TLK1: variants seen among roughly 807,000 people sequenced by gnomAD.
TLK1 encodes tousled like kinase 1.
A neutral mutation model predicts 105.3 loss-of-function variants in TLK1; 24 were observed. That is an observed-to-expected ratio of 0.23 (90% CI 0.17 to 0.32). TLK1 has a LOEUF of 0.32. TLK1 is among the 10% of genes least tolerant of loss of function. TLK1 has a pLI of 1.00. For synonymous variants in TLK1, 321 were observed against 310.4 expected, an observed-to-expected ratio of 1.03 and a Z score of -0.36; for missense variants, 558 against 910.5, an observed-to-expected ratio of 0.61 and a Z score of 4.98.
intron 1 of TLK1, among the ~76,000 whole-genome samples, chr2:171,141,032 G>C (rs938637595): frequency 3.9e-5 from 6 of 152,148 alleles, no homozygotes; most frequent in African/African-American, 1.2e-4. Context: ...TGAAATGGAA[G>C]ATTGGTCAGA....
At chr2:171,121,495 C>A (rs1391571575) in intron 1 of TLK1, among the ~76,000 whole-genome samples, 1 of 152,192 alleles carries the variant, frequency 6.6e-6, no homozygotes, top group Non-Finnish European at 1.5e-5. Flanking sequence ...TGCACCACTG[C>A]ACTCCACGCT....
chr2:171,033,727 G>A (rs1686166476), intron 11 of TLK1, among the ~76,000 whole-genome samples: 1 of 147,496 alleles, frequency 6.8e-6, no homozygotes, highest in Non-Finnish European at 1.5e-5. Flanking sequence ...ACTGAAAGTA[G>A]GCAAACACCA....
chr2:171,115,170 C>CTTTTTTTTTTTTTTTTTTTTTT (rs373796060), intron 2 of TLK1, among the ~76,000 whole-genome samples: 3 of 135,770 alleles, frequency 2.2e-5, no homozygotes, highest in African/African-American at 6.0e-5. Context: ...TTAAGAATTT[C>CTTTTTTTTTTTTTTTTTTTTTT]TTTCTTTTTT....
At chr2:171,195,164 T>G (rs1238776207) in intron 1 of TLK1, among the ~76,000 whole-genome samples, 1 of 152,168 alleles carries the variant, frequency 6.6e-6, no homozygotes, top group Non-Finnish European at 1.5e-5. Flanking sequence ...AAAACACCCT[T>G]TTCCTGACAA....
intron 8 of TLK1, among the ~76,000 whole-genome samples, chr2:171,052,761 G>C (rs555274752): frequency 1.3e-5 from 2 of 152,190 alleles, no homozygotes; most frequent in African/African-American, 2.4e-5. Flanking sequence ...ATGGGTGTGA[G>C]AAAGTAAATA....
intron 1 of TLK1, among the ~76,000 whole-genome samples, chr2:171,183,270 G>A (rs1481198490): frequency 1.3e-5 from 2 of 152,126 alleles, no homozygotes; most frequent in Non-Finnish European, 2.9e-5. Context: ...TCCCAATAAT[G>A]TTAAAGCTGT....
chr2:171,058,389 T>C (rs1687599469), intron 4 of TLK1, among the ~76,000 whole-genome samples, 192 bp from the exon 5 acceptor site: 1 of 152,146 alleles, frequency 6.6e-6, no homozygotes, highest in Non-Finnish European at 1.5e-5. Flanking sequence ...TGATGTCCTG[T>C]TTTAAAACTA....
chr2:171,049,391 T>C (rs959002983), intron 10 of TLK1, among the ~76,000 whole-genome samples: 1 of 152,078 alleles, frequency 6.6e-6, no homozygotes. Context: ...AAAAGAGAAG[T>C]TTTTTCCCTT....
chr2:171,040,365 T>G (rs1275415191), intron 11 of TLK1, among the ~76,000 whole-genome samples: 2 of 152,106 alleles, frequency 1.3e-5, no homozygotes, highest in African/African-American at 4.8e-5. Context: ...GCAGGTAACA[T>G]ATGTGCCACT....
chr2:171,112,343 T>C (rs1690212970), intron 2 of TLK1, among the ~76,000 whole-genome samples: 1 of 152,240 alleles, frequency 6.6e-6, no homozygotes, highest in Non-Finnish European at 1.5e-5. Context: ...ATTAAATTAT[T>C]GTATTAATAA....
At chr2:171,195,200 G>A (rs1292078448) in intron 1 of TLK1, among the ~76,000 whole-genome samples, 4 of 152,068 alleles carry the variant, frequency 2.6e-5, no homozygotes, top group Admixed American at 2.6e-4. Flanking sequence ...GAAGAATACA[G>A]TACTTGTATA....
At chr2:171,124,092 G>A (rs1420014507) in intron 1 of TLK1, among the ~76,000 whole-genome samples, 1 of 152,148 alleles carries the variant, frequency 6.6e-6, no homozygotes, top group African/African-American at 2.4e-5. Flanking sequence ...TTGAAATATG[G>A]AACTTTCTGT....
Position 170,992,629 on chromosome 2 carries a change from ACT to A in TLK1, c.*1149_*1150del, listed in dbSNP as rs917250069. ...TAGAACCCAATAAACTGATTTAAAA[ACT>A]CAATTATGTCCAACATGGATCACTT... On this transcript the variant is annotated 3_prime_UTR_variant, in exon 21 of 21. Transcript: ENST00000431350. 2.0e-5 allele frequency: 3 copies of A among 152,472 alleles called. No individual in the cohort carries two copies. Among genetic ancestry groups the A allele is most frequent in the African/African-American group, 7.2e-5 (3 of 41,398 alleles). The allele number at this position is 152,472 out of a possible 1,614,324, so 9.4% of individuals were successfully genotyped here.
intron 13 of TLK1, among the ~76,000 whole-genome samples, chr2:171,013,216 T>G (rs1685007816): frequency 6.6e-6 from 1 of 151,960 alleles, no homozygotes; most frequent in Non-Finnish European, 1.5e-5. Flanking sequence ...TTTCACCATG[T>G]TGGCCAGGTT....
chr2:171,021,027 C>T (rs956455169), intron 12 of TLK1, among the ~76,000 whole-genome samples: 5 of 152,076 alleles, frequency 3.3e-5, no homozygotes, highest in African/African-American at 7.2e-5. Flanking sequence ...CAATGTTTTG[C>T]TCTCTACACA....
chr2:171,115,170 C>CTTTTTTTTTTTTTTTTTTTTTTTTTTT (rs373796060), intron 2 of TLK1, among the ~76,000 whole-genome samples: 2 of 135,768 alleles, frequency 1.5e-5, no homozygotes, highest in Non-Finnish European at 1.5e-5. Flanking sequence ...TTAAGAATTT[C>CTTTTTTTTTTTTTTTTTTTTTTTTTTT]TTTCTTTTTT....
chr2:171,227,570 T>TTTTC (rs1204049736), intron 1 of TLK1, among the ~76,000 whole-genome samples: 4 of 50,964 alleles, frequency 7.8e-5, no homozygotes, highest in Non-Finnish European at 1.4e-4. Context: ...TAAATCTCCT[T>TTTTC]TTTTTTTTTT....
chr2:171,177,512 G>A (rs976974672), intron 1 of TLK1, among the ~76,000 whole-genome samples: 5 of 152,090 alleles, frequency 3.3e-5, no homozygotes, highest in Non-Finnish European at 7.3e-5. Flanking sequence ...GAGAGACCTC[G>A]GCATACAGAA....
At chr2:171,087,720 T>C (rs773119065) in intron 2 of TLK1, among the ~76,000 whole-genome samples, 1 of 152,218 alleles carries the variant, frequency 6.6e-6, no homozygotes, top group Admixed American at 6.5e-5. Flanking sequence ...TGAAAGCAGC[T>C]GGAGAAAGTA....
Sources: gnomAD v4.1 joint callset for allele counts (sites outside exome capture counted in the v4.1 genomes callset) on GRCh38, gnomAD v4.1.1 for gene constraint, MANE v1.5 for transcripts, NCBI Gene and HGNC (gene_info 2026-07-23, HGNC 2026-07-21) for gene names.